The following SMAD3 variants were observed in gnomAD, a reference collection of about 807,000 sequenced individuals.
SMAD3 encodes the protein SMAD family member 3, also known as MAD homolog 3.
Under a neutral mutation model 51.8 loss-of-function variants are expected in SMAD3, and 12 were observed. The ratio of observed to expected loss-of-function variants is 0.23; its 90% CI spans 0.15 to 0.38. SMAD3 has a LOEUF of 0.38. SMAD3 is among the 10% of genes least tolerant of loss of function. SMAD3 has a pLI of 1.00. For synonymous variants in SMAD3, 238 were observed against 227.7 expected (o/e 1.05, Z -0.41); for missense variants, 294 against 565.6 (o/e 0.52, Z 4.87).
chr15:67,138,893 T>C (rs1030447443), intron 1 of SMAD3, among the ~76,000 whole-genome samples: 1 of 152,246 alleles, frequency 6.6e-6, no homozygotes, highest in Non-Finnish European at 1.5e-5. Context: ...TCTTTGAATG[T>C]GCTTTCTCTT....
rs537206205 is a variant in SMAD3 at position 67,133,876 on chromosome 15, A to G, written c.207-31019A>G. ...AAGGGTAAGCGACTTGCCTAAAGTC[A>G]CATAGCCAGGAAGGTCAGAACCAGG... On this transcript the variant is annotated intron_variant, in intron 1 of 8. Transcript: ENST00000327367. 3.7e-4 allele frequency among the ~76,000 whole-genome samples: 56 copies of G among 152,280 alleles called. No homozygotes were observed. In the East Asian group the frequency reaches 0.01, roughly 28 times the overall value.
chr15:67,119,373 GC>G (rs1416582157), intron 1 of SMAD3, among the ~76,000 whole-genome samples: 2 of 152,052 alleles, frequency 1.3e-5, no homozygotes, highest in African/African-American at 4.8e-5. Context: ...TTGCAGGGAG[GC>G]CCATAGTCAA....
In SMAD3 at chr15:67,097,955, C is replaced by T. The variant is rs184659210; in HGVS notation, c.206+31595C>T. On this transcript the variant is annotated intron_variant, in intron 1 of 8. Transcript: ENST00000327367. The stretch of plus-strand genomic sequence containing the variant: ...AAAAATTGTAGTGTTTGAAGGTCTT[C>T]AAGGATCCTGGTCCTCTCACACTGT... Among the ~76,000 whole-genome samples the T allele has an allele frequency of 8.3e-4, 126 of 152,284 alleles. 1 individual carries two copies. Among genetic ancestry groups the T allele is most frequent in the Middle Eastern group, 6.8e-3 (2 of 294 alleles).
In SMAD3 at chr15:67,066,093, G is replaced by C; in HGVS notation, c.-62G>C. 2.3e-6 allele frequency: 3 copies of C among 1,330,632 alleles called. No individual in the cohort carries two copies. Among genetic ancestry groups the C allele is most frequent in the Non-Finnish European group, 3.1e-6 (3 of 963,722 alleles). The allele number at this position is 1,330,632 out of a possible 1,614,324, so 82.4% of individuals were successfully genotyped here. A position where few individuals can be genotyped will look rare whatever the true frequency, so the allele number is the denominator to read the frequency against. The stretch of plus-strand genomic sequence containing the variant: ...GGCCGAGCTCCCCTCTGCGCCCCCG[G>C]CGTCCCGTCGAGCCCAGCCCCGCCG... On this transcript the variant is annotated 5_prime_UTR_variant, in exon 1 of 9. Coordinates refer to ENST00000327367, the MANE Select transcript of SMAD3 (RefSeq NM_005902.4).
intron 1 of SMAD3, among the ~76,000 whole-genome samples, chr15:67,163,287 G>A (rs1310925094): frequency 1.3e-5 from 2 of 152,234 alleles, no homozygotes; most frequent in East Asian, 1.9e-4. Flanking sequence ...GTGGAATGGA[G>A]GGTCCCTGCA....
chr15:67,091,233 C>T (rs916708633), intron 1 of SMAD3, among the ~76,000 whole-genome samples: 9 of 152,360 alleles, frequency 5.9e-5, no homozygotes, highest in African/African-American at 2.2e-4. Context: ...ATTATTCCTG[C>T]TCCCCCAGCC....
chr15:67,159,697 G>A (rs1962376578), intron 1 of SMAD3, among the ~76,000 whole-genome samples: 1 of 151,924 alleles, frequency 6.6e-6, no homozygotes, highest in South Asian at 2.1e-4. Flanking sequence ...CTGTCCCCAG[G>A]CAATGACTGA....
chr15:67,189,009 G>A (rs922237005), intron 8 of SMAD3, among the ~76,000 whole-genome samples: 2 of 152,220 alleles, frequency 1.3e-5, no homozygotes, highest in Non-Finnish European at 2.9e-5. Flanking sequence ...GACCTCAAAA[G>A]AACTTACAAC....
chr15:67,075,227 T>C (rs1012603548), intron 1 of SMAD3, among the ~76,000 whole-genome samples: 7 of 152,170 alleles, frequency 4.6e-5, no homozygotes, highest in Admixed American at 2.0e-4. Flanking sequence ...CAGGCACTGG[T>C]GATGGAAATT....
intron 1 of SMAD3, among the ~76,000 whole-genome samples, chr15:67,151,274 G>A (rs890523299): frequency 1.3e-5 from 2 of 152,076 alleles, no homozygotes; most frequent in African/African-American, 4.8e-5. Flanking sequence ...GGTCTAAGAT[G>A]AGACCATTAT....
chr15:67,094,136 C>T (rs1230891397), intron 1 of SMAD3, among the ~76,000 whole-genome samples: 1 of 152,204 alleles, frequency 6.6e-6, no homozygotes. Context: ...CCACCTGAGG[C>T]CTGCGTGGGG....
At chr15:67,067,218 C>T (rs776169715) in intron 1 of SMAD3, among the ~76,000 whole-genome samples, 1 of 152,184 alleles carries the variant, frequency 6.6e-6, no homozygotes, top group Non-Finnish European at 1.5e-5. Context: ...GTAGAGCCTT[C>T]CTTCCCAAAG....
intron 1 of SMAD3, among the ~76,000 whole-genome samples, chr15:67,132,077 C>G (rs766789841): frequency 6.6e-6 from 1 of 152,118 alleles, no homozygotes; most frequent in Non-Finnish European, 1.5e-5. Flanking sequence ...GAACCCTGTC[C>G]AAACTGATGG....
chr15:67,126,542 C>T (rs1961392830), intron 1 of SMAD3, among the ~76,000 whole-genome samples: 1 of 152,138 alleles, frequency 6.6e-6, no homozygotes, highest in Admixed American at 6.5e-5. Context: ...CTCCAACTTC[C>T]CCCTCAGACA....
chr15:67,142,864 G>A, intron 1 of SMAD3: 2 of 454,750 alleles, frequency 4.4e-6, no homozygotes, highest in South Asian at 3.1e-5. Flanking sequence ...TGGAACACAG[G>A]GACATGATCC....
At chr15:67,154,351 G>C (rs1962226268) in intron 1 of SMAD3, among the ~76,000 whole-genome samples, 1 of 152,122 alleles carries the variant, frequency 6.6e-6, no homozygotes, top group African/African-American at 2.4e-5. Context: ...TTTAGTGACT[G>C]GTATCAAGGG....
chr15:67,152,014 A>G (rs1042902269), intron 1 of SMAD3, among the ~76,000 whole-genome samples: 1 of 152,164 alleles, frequency 6.6e-6, no homozygotes, highest in Admixed American at 6.5e-5. Flanking sequence ...ATTGCTAGAT[A>G]TTTGAAGCTA....
At chr15:67,087,166 G>C (rs1425855179) in intron 1 of SMAD3, among the ~76,000 whole-genome samples, 1 of 152,134 alleles carries the variant, frequency 6.6e-6, no homozygotes, top group Non-Finnish European at 1.5e-5. Flanking sequence ...GGGGTTACAG[G>C]CATGAGCCAC....
chr15:67,095,362 T>G (rs1328581003), intron 1 of SMAD3, among the ~76,000 whole-genome samples: 7 of 152,132 alleles, frequency 4.6e-5, no homozygotes, highest in African/African-American at 1.7e-4. Context: ...CTAACCTAAT[T>G]TGGCTTTGGG....
Sources: allele counts gnomAD v4.1 joint callset (sites outside exome capture counted in the v4.1 genomes callset), GRCh38; gene constraint gnomAD v4.1.1; transcripts MANE v1.5; gene names NCBI Gene and HGNC (gene_info 2026-07-23, HGNC 2026-07-21).